EMID1: variants seen among roughly 807,000 people sequenced by gnomAD.
EMID1 encodes the protein EMI domain-containing protein 1.
In EMID1, 40 loss-of-function variants were observed where a neutral mutation model predicts 60.6. The observed-to-expected ratio is 0.66, with a 90% CI of 0.51 to 0.86. The LOEUF is 0.86. EMID1 is among the 40% of genes least tolerant of loss of function. The pLI is 0.00. For synonymous variants in EMID1, 242 were observed against 231.0 expected (o/e 1.05, Z -0.43); for missense variants, 585 against 597.1 (o/e 0.98, Z 0.21).
chr22:29,214,657 G>A (rs894075963), intron 1 of EMID1, among the ~76,000 whole-genome samples: 5 of 152,094 alleles, frequency 3.3e-5, no homozygotes, highest in African/African-American at 4.8e-5. Context: ...AAGATGGCCC[G>A]CTTCCATCTT....
chr22:29,232,131 A>T, intron 7 of EMID1, 125 bp from the exon 8 acceptor site: 2 of 1,075,714 alleles, frequency 1.9e-6, no homozygotes, highest in Non-Finnish European at 1.4e-6. Context: ...CAGGCAGCCT[A>T]GGCCTGTGGA....
intron 1 of EMID1, 114 bp from the exon 2 acceptor site, chr22:29,214,812 C>T: frequency 1.5e-6 from 1 of 688,068 alleles, no homozygotes; most frequent in Non-Finnish European, 2.3e-6. Context: ...CTTCTCGCTG[C>T]CTGGGGATTC....
intron 14 of EMID1, among the ~76,000 whole-genome samples, chr22:29,258,547 C>T (rs2041788062): frequency 6.6e-6 from 1 of 152,184 alleles, no homozygotes; most frequent in Non-Finnish European, 1.5e-5. Context: ...CTAAACACTT[C>T]CTAAAGGAGG....
At chr22:29,233,498 G>A (rs779035616) in intron 9 of EMID1, 30 bp downstream of exon 9, 2 of 1,612,088 alleles carry the variant, frequency 1.2e-6, no homozygotes, top group African/African-American at 2.7e-5. Context: ...GGGGTAAAGG[G>A]TGAAGTTGGT....
chr22:29,226,592 C>T, intron 5 of EMID1, 41 bp downstream of exon 5: 2 of 1,584,880 alleles, frequency 1.3e-6, no homozygotes, highest in Non-Finnish European at 1.7e-6. Context: ...TTCCCTGCCA[C>T]AGGCCAGTCC....
At position 29,259,011 on chromosome 22, in the gene EMID1, C is replaced by G; in HGVS notation, c.*67C>G. 2 of 1,553,468 alleles carry G rather than the reference C, an allele frequency of 1.3e-6. No homozygotes were observed. The highest frequency in any genetic ancestry group is 4.2e-5 in the Admixed American group (2 of 47,634). ...CTCCTACCTGGACTCGGCCAGCTGC[C>G]TCCAGGGACCGCCCGTCCATATTTA... is the stretch of plus-strand genomic sequence containing the variant. On this transcript the variant is annotated 3_prime_UTR_variant, in exon 15 of 15. Transcript: ENST00000334018.
At chr22:29,207,007 G>T (rs533387401) in intron 1 of EMID1, among the ~76,000 whole-genome samples, 2 of 152,228 alleles carry the variant, frequency 1.3e-5, no homozygotes, top group African/African-American at 4.8e-5. Context: ...AAGGCCAGCC[G>T]CCGTTGTCCA....
intron 1 of EMID1, among the ~76,000 whole-genome samples, chr22:29,212,079 G>A (rs879809614): frequency 3.3e-5 from 5 of 151,874 alleles, no homozygotes; most frequent in East Asian, 1.9e-4. Flanking sequence ...TCTGCCTCCC[G>A]GGTTCAAACA....
At chr22:29,225,359 TC>T in intron 4 of EMID1, 143 bp downstream of exon 4, 1 of 873,728 alleles carries the variant, frequency 1.1e-6, no homozygotes, top group Non-Finnish European at 1.7e-6. Context: ...CACCCCATGC[TC>T]CCCAGGCTAC....
intron 13 of EMID1, among the ~76,000 whole-genome samples, chr22:29,251,075 G>T (rs1008122553): frequency 6.7e-6 from 1 of 150,128 alleles, no homozygotes; most frequent in African/African-American, 2.5e-5. Context: ...ACACCACCAC[G>T]CCTGGCTAAT....
chr22:29,210,264 T>C (rs959523919), intron 1 of EMID1, among the ~76,000 whole-genome samples: 5 of 151,670 alleles, frequency 3.3e-5, no homozygotes, highest in Non-Finnish European at 7.4e-5. Context: ...TTTTTTTTTT[T>C]TTTTTTGAGA....
chr22:29,212,282 C>T (rs760955717), intron 1 of EMID1, among the ~76,000 whole-genome samples: 4 of 151,712 alleles, frequency 2.6e-5, no homozygotes, highest in African/African-American at 4.8e-5. Flanking sequence ...CCACTGCACC[C>T]GACCCTTTTT....
chr22:29,207,507 C>T (rs969925684), intron 1 of EMID1, among the ~76,000 whole-genome samples: 3 of 152,220 alleles, frequency 2.0e-5, no homozygotes, highest in Non-Finnish European at 2.9e-5. Flanking sequence ...AGAAATCCCA[C>T]TGTTAGGCTC....
intron 6 of EMID1, 124 bp from the exon 7 acceptor site, chr22:29,231,469 G>T: frequency 9.5e-7 from 1 of 1,048,462 alleles, no homozygotes; most frequent in Non-Finnish European, 1.5e-6. Flanking sequence ...GCTGCCAGGA[G>T]CCATAGAGAG....
Position 29,238,976 on chromosome 22 carries a change from A to G in EMID1, c.1075-4469A>G, listed in dbSNP as rs924806323. On this transcript the variant is annotated intron_variant, in intron 12 of 14. Coordinates refer to ENST00000334018, the MANE Select transcript of EMID1 (RefSeq NM_133455.4). ...GGTGTCTGACATTTTTGGGGGGAAAATTCTGTCATTATTACTTCAAATATT... is the reference window on the plus strand; with the variant it reads ...GGTGTCTGACATTTTTGGGGGGAAAGTTCTGTCATTATTACTTCAAATATT... 9.7e-5 allele frequency among the ~76,000 whole-genome samples: 14 copies of G among 143,850 alleles called. No homozygotes were observed. In the East Asian group the frequency reaches 1.4e-3, roughly 15 times the overall value. 94.4% of individuals were successfully genotyped at this position (143,850 alleles called of 152,430 possible). A position where few individuals can be genotyped will look rare whatever the true frequency, so the allele number is the denominator to read the frequency against.
intron 8 of EMID1, 21 bp downstream of exon 8, chr22:29,232,423 A>G (rs577417674): frequency 5.1e-5 from 78 of 1,537,848 alleles, no homozygotes; most frequent in Non-Finnish European, 1.0e-5. Context: ...CTGGGATCCC[A>G]GCAGGTGGAG....
At chr22:29,242,033 C>A (rs1360812926) in intron 12 of EMID1, among the ~76,000 whole-genome samples, 1 of 152,206 alleles carries the variant, frequency 6.6e-6, no homozygotes, top group Non-Finnish European at 1.5e-5. Context: ...ACCTCAGCCT[C>A]CTGAGTAGCT....
At position 29,231,024 on chromosome 22, in the gene EMID1, C is replaced by T; in HGVS notation, c.470C>T (p.Thr157Ile). The change falls in exon 6 of 15, where the codon ACC (threonine) becomes ATC (isoleucine). Residue 157 changes from threonine (T) to isoleucine (I), a missense_variant. Physicochemically the swap from Thr to Ile is moderately conservative, Grantham distance 89. Transcript: ENST00000334018. ...ERLKVLEAKMTMLTVIEQPVP... is the reference protein window; with the variant it reads ...ERLKVLEAKMIMLTVIEQPVP... ...CGTCCCTGTCTTCCTCTTCAGATGA[C>T]CATGCTGACTGTCATAGAGCAGCCA... 6.2e-7 allele frequency: 1 copy of T among 1,613,274 alleles called. No homozygotes were observed. Among genetic ancestry groups the T allele is most frequent in the Non-Finnish European group, 8.5e-7 (1 of 1,179,572 alleles).
At chr22:29,227,105 G>A (rs999162414) in intron 5 of EMID1, among the ~76,000 whole-genome samples, 1 of 150,402 alleles carries the variant, frequency 6.6e-6, no homozygotes, top group Non-Finnish European at 1.5e-5. Flanking sequence ...GTTTTGTTTT[G>A]TTTGAAACAG....
Sources: gnomAD v4.1 joint callset for allele counts (sites outside exome capture counted in the v4.1 genomes callset) on GRCh38, gnomAD v4.1.1 for gene constraint, MANE v1.5 for transcripts, NCBI Gene and HGNC (gene_info 2026-07-23, HGNC 2026-07-21) for gene names.